FAT3: variants seen among roughly 807,000 people sequenced by gnomAD.
FAT3 encodes FAT atypical cadherin 3.
In FAT3, 95 loss-of-function variants were observed where a neutral mutation model predicts 310.2. The observed-to-expected ratio is 0.31, with a 90% CI of 0.26 to 0.36. FAT3 has a LOEUF of 0.36. Ranked by LOEUF, FAT3 falls within the 10% of genes least tolerant of loss-of-function variation. The probability of loss-of-function intolerance (pLI) is 1.00; values close to 1 mark genes in which losing one functional copy is unlikely to be tolerated. For missense variants in FAT3, 5,408 were observed against 5,715.6 expected, an observed-to-expected ratio of 0.95 and a Z score of 1.74; for synonymous variants, 2,314 against 2,192.9, an observed-to-expected ratio of 1.06 and a Z score of -1.54.
In FAT3 at chr11:92,535,965, T is replaced by A. The variant is rs182246935; in HGVS notation, c.3607+11017T>A. Among the ~76,000 whole-genome samples, 96 of 152,300 alleles carry A rather than the reference T, an allele frequency of 6.3e-4. 1 individual carries two copies. Among genetic ancestry groups the A allele is most frequent in the African/African-American group, 2.1e-3 (86 of 41,590 alleles). On this transcript the variant is annotated intron_variant, in intron 3 of 27. Transcript: ENST00000525166. ...AAGCAATTTTCTGAAAGCACTTTTTTAAAAAAGCATTGAAGTTGCTATCTG... is the reference window on the plus strand; with the variant it reads ...AAGCAATTTTCTGAAAGCACTTTTTAAAAAAAGCATTGAAGTTGCTATCTG...
intron 3 of FAT3, among the ~76,000 whole-genome samples, chr11:92,583,905 G>C (rs189272584): frequency 6.6e-6 from 1 of 150,998 alleles, no homozygotes; most frequent in Non-Finnish European, 1.5e-5. Context: ...GAAGTATTTG[G>C]ATTGGGGCAT....
At chr11:92,485,226 T>C (rs2135209438) in intron 2 of FAT3, among the ~76,000 whole-genome samples, 1 of 152,384 alleles carries the variant, frequency 6.6e-6, no homozygotes, top group South Asian at 2.1e-4. Context: ...TATTGGTTTA[T>C]ATATGTGTCC....
chr11:92,680,121 T>G (rs1943432902), intron 3 of FAT3, among the ~76,000 whole-genome samples: 2 of 151,760 alleles, frequency 1.3e-5, no homozygotes, highest in South Asian at 4.1e-4. Flanking sequence ...GTCTCATTTT[T>G]CTATTTTTGG....
At chr11:92,451,090 G>T (rs1463277158) in intron 2 of FAT3, among the ~76,000 whole-genome samples, 2 of 152,102 alleles carry the variant, frequency 1.3e-5, no homozygotes, top group East Asian at 3.8e-4. Context: ...TGAGCAGAAA[G>T]GTTTAGGTGA....
At chr11:92,256,571 T>G (rs1865326676) in intron 1 of FAT3, among the ~76,000 whole-genome samples, 1 of 152,136 alleles carries the variant, frequency 6.6e-6, no homozygotes, top group Non-Finnish European at 1.5e-5. Flanking sequence ...AAAATCCATG[T>G]ATCATTTGGC....
At chr11:92,612,616 G>C (rs147383982) in intron 3 of FAT3, among the ~76,000 whole-genome samples, 1 of 152,276 alleles carries the variant, frequency 6.6e-6, no homozygotes, top group Admixed American at 6.5e-5. Context: ...AAAAATGATG[G>C]TGTTCTCTCT....
At chr11:92,283,576 A>T (rs1946483925) in intron 1 of FAT3, among the ~76,000 whole-genome samples, 1 of 152,178 alleles carries the variant, frequency 6.6e-6, no homozygotes, top group East Asian at 1.9e-4. Context: ...TTTACAGTTA[A>T]TGATGACCTG....
chr11:92,768,495 T>A (rs1946377348), intron 6 of FAT3, among the ~76,000 whole-genome samples: 1 of 152,216 alleles, frequency 6.6e-6, no homozygotes, highest in African/African-American at 2.4e-5. Flanking sequence ...TCATTTTTTC[T>A]CAATCTGCTG....
In FAT3 at chr11:92,857,357, T is replaced by G. The variant is rs1463521894; in HGVS notation, c.11500+9T>G. 2 of 1,613,678 alleles carry G rather than the reference T, an allele frequency of 1.2e-6. No individual in the cohort carries two copies. The highest frequency in any genetic ancestry group is 1.7e-6 in the Non-Finnish European group (2 of 1,179,816). ...GCTCGGAGAGTGCTCAGGTGCAGAGTGGAGTGGAATGATGCAGATCTAATT... is the reference window on the plus strand; with the variant it reads ...GCTCGGAGAGTGCTCAGGTGCAGAGGGGAGTGGAATGATGCAGATCTAATT... On this transcript the variant is annotated intron_variant, in intron 20 of 27. Coordinates refer to ENST00000525166, the MANE Select transcript of FAT3 (RefSeq NM_001367949.2).
intron 2 of FAT3, among the ~76,000 whole-genome samples, chr11:92,402,948 G>A (rs1950054032): frequency 6.6e-6 from 1 of 151,954 alleles, no homozygotes; most frequent in African/African-American, 2.4e-5. Context: ...GGAAGGTGGG[G>A]GCAAGGGACA....
chr11:92,593,449 T>C (rs1196210985), intron 3 of FAT3, among the ~76,000 whole-genome samples: 1 of 152,124 alleles, frequency 6.6e-6, no homozygotes, highest in Non-Finnish European at 1.5e-5. Context: ...TTTCTTTTTT[T>C]TTTTTAATAT....
rs77876984 is a variant in FAT3 at position 92,393,863 on chromosome 11, G to A, written c.3292+38459G>A. Reference sequence around the variant, plus strand: ...CTGGTCAGGGAGGGTCTCACTTTCTGTTGACACTAACATGGGGATTTTATA... The same window carrying A: ...CTGGTCAGGGAGGGTCTCACTTTCTATTGACACTAACATGGGGATTTTATA... On this transcript the variant is annotated intron_variant, in intron 2 of 27. Transcript: ENST00000525166. Among the ~76,000 whole-genome samples the A allele has an allele frequency of 6.9e-3, 1,048 of 152,228 alleles. 10 individuals are homozygous for A. The highest frequency in any genetic ancestry group is 0.02 in the African/African-American group (850 of 41,540).
intron 2 of FAT3, among the ~76,000 whole-genome samples, chr11:92,442,111 A>ATATATATATTTTTTTTT (rs1453396603): frequency 6.6e-5 from 3 of 45,216 alleles, no homozygotes; most frequent in African/African-American, 5.5e-4. Context: ...ATATATATAT[A>ATATATATATTTTTTTTT]TTTTTTTTTT....
chr11:92,623,471 T>G (rs1206523469), intron 3 of FAT3, among the ~76,000 whole-genome samples: 1 of 152,216 alleles, frequency 6.6e-6, no homozygotes, highest in Non-Finnish European at 1.5e-5. Flanking sequence ...GCGGAGGATA[T>G]GTCAACTCGA....
In FAT3 at chr11:92,844,335, G is replaced by A; in HGVS notation, c.10968G>A (p.Val3656=). ...QNTVTIRFEN[V]SPEDFVGLHM... ...CTGTCACCATCCGCTTTGAAAATGTGTCCCCTGAGGACTTCGTGGGGCTGC... is the reference window on the plus strand; with the variant it reads ...CTGTCACCATCCGCTTTGAAAATGTATCCCCTGAGGACTTCGTGGGGCTGC... The change falls in exon 19 of 28, where the codon GTG becomes GTA. Residue 3656 remains valine, a synonymous_variant. Transcript: ENST00000525166. The A allele has an allele frequency of 6.2e-7, 1 of 1,613,976 alleles. No homozygotes were observed. Among genetic ancestry groups the A allele is most frequent in the South Asian group, 1.1e-5 (1 of 91,090 alleles).
At chr11:92,625,726 A>G (rs1454782495) in intron 3 of FAT3, among the ~76,000 whole-genome samples, 1 of 140,516 alleles carries the variant, frequency 7.1e-6, no homozygotes, top group Non-Finnish European at 1.5e-5. Context: ...GAAACCAAGT[A>G]TCTGTCCTTC....
rs2136351240 is a variant in FAT3, at chr11:92,867,065, G to C, written c.11983G>C (p.Glu3995Gln). ...GGACTCGGTGATACTGAATAACAAT[G>C]AGCTGCCGCTGCAGAACAAGCGCAG... ...CLDSVILNNN[E>Q]LPLQNKRSSF... Residue 3995 changes from glutamate (E) to glutamine (Q), a missense_variant, in exon 22 of 28, where the codon GAG (glutamate) becomes CAG (glutamine). Glu to Gln is a conservative substitution (Grantham distance 29, BLOSUM62 2). Around this residue, in one of 5 missense-constraint regions of FAT3, gnomAD observed 4,588 missense variants for 4,809.8 expected, o/e 0.95. Coordinates refer to ENST00000525166, the MANE Select transcript of FAT3 (RefSeq NM_001367949.2). The C allele has an allele frequency of 6.3e-7, 1 of 1,589,838 alleles. No individual in the cohort carries two copies. The highest frequency in any genetic ancestry group is 8.6e-7 in the Non-Finnish European group (1 of 1,168,496).
chr11:92,627,923 G>A (rs915316496), intron 3 of FAT3, among the ~76,000 whole-genome samples: 18 of 152,228 alleles, frequency 1.2e-4, no homozygotes, highest in African/African-American at 4.3e-4. Context: ...CAGAGCCCAT[G>A]ACTGGAGCGT....
chr11:92,475,865 A>C (rs893301911), intron 2 of FAT3, among the ~76,000 whole-genome samples: 1 of 152,236 alleles, frequency 6.6e-6, no homozygotes, highest in East Asian at 1.9e-4. Context: ...AGTCACTTCC[A>C]TACAAATCCT....
Sources: allele counts gnomAD v4.1 joint callset (sites outside exome capture counted in the v4.1 genomes callset), GRCh38; gene constraint gnomAD v4.1.1; regional missense constraint gnomAD v4.1.1; transcripts MANE v1.5; gene names NCBI Gene and HGNC (gene_info 2026-07-23, HGNC 2026-07-21).